The following TPH2 variants were observed in gnomAD, a reference collection of about 807,000 sequenced individuals.
TPH2 encodes the protein tryptophan hydroxylase 2, also known as tryptophan 5-hydroxylase 2.
In TPH2, 27 loss-of-function variants were observed where a neutral mutation model predicts 59.1. The ratio of observed to expected loss-of-function variants is 0.46; its 90% CI spans 0.34 to 0.63. TPH2 has a LOEUF of 0.63. Among genes scored for constraint, TPH2 ranks in the 30% least tolerant of loss-of-function variants. The probability of loss-of-function intolerance (pLI) is 0.01; values close to 1 mark genes in which losing one functional copy is unlikely to be tolerated. For synonymous variants in TPH2, 220 were observed against 210.5 expected, an observed-to-expected ratio of 1.05 and a Z score of -0.39; for missense variants, 523 against 588.3, an observed-to-expected ratio of 0.89 and a Z score of 1.15.
chr12:72,003,312 G>A (rs533302426), intron 8 of TPH2, among the ~76,000 whole-genome samples: 1 of 152,136 alleles, frequency 6.6e-6, no homozygotes, highest in African/African-American at 2.4e-5. Context: ...AGGGCTGGGG[G>A]GAATGCACTT....
intron 4 of TPH2, among the ~76,000 whole-genome samples, chr12:71,945,900 C>A (rs1871185830): frequency 6.6e-6 from 1 of 152,148 alleles, no homozygotes; most frequent in African/African-American, 2.4e-5. Context: ...CCTAAAATTT[C>A]AGAATATTTT....
intron 8 of TPH2, among the ~76,000 whole-genome samples, chr12:72,016,901 C>T (rs187492238): frequency 3.5e-4 from 53 of 152,038 alleles, no homozygotes; most frequent in Non-Finnish European, 6.8e-4. Context: ...CAAGGACCCT[C>T]AGGAAGAGGC....
intron 5 of TPH2, among the ~76,000 whole-genome samples, chr12:71,953,177 A>G (rs1176368095): frequency 1.3e-5 from 2 of 149,606 alleles, no homozygotes; most frequent in East Asian, 3.9e-4. Context: ...TTTTTTTTGC[A>G]CATGGGAAGC....
At chr12:71,941,448 C>A in intron 1 of TPH2, 136 bp from the exon 2 acceptor site, 2 of 1,073,064 alleles carry the variant, frequency 1.9e-6, no homozygotes, top group Non-Finnish European at 2.7e-6. Context: ...ATGAGTGACA[C>A]GGCAACTTCA....
At chr12:72,030,580 C>T (rs1873693279) in intron 9 of TPH2, among the ~76,000 whole-genome samples, 1 of 152,150 alleles carries the variant, frequency 6.6e-6, no homozygotes, top group African/African-American at 2.4e-5. Flanking sequence ...CGCCAGCTTT[C>T]CTGTTTTTCT....
intron 9 of TPH2, among the ~76,000 whole-genome samples, chr12:72,025,929 A>C (rs1279961160): frequency 6.6e-6 from 1 of 152,192 alleles, no homozygotes; most frequent in Non-Finnish European, 1.5e-5. Context: ...TTCAACAAAC[A>C]CAAAATTGAT....
intron 8 of TPH2, among the ~76,000 whole-genome samples, chr12:72,017,606 T>C (rs1317902569): frequency 2.0e-5 from 3 of 152,194 alleles, no homozygotes; most frequent in Non-Finnish European, 4.4e-5. Context: ...AAGACATTAG[T>C]GGCCAAGAAT....
intron 8 of TPH2, among the ~76,000 whole-genome samples, chr12:72,011,333 CT>C (rs781208758): frequency 1.2e-4 from 19 of 152,174 alleles, no homozygotes; most frequent in Non-Finnish European, 2.4e-4. Context: ...TAAAATATGC[CT>C]GTTTGTATTA....
intron 8 of TPH2, among the ~76,000 whole-genome samples, chr12:72,012,364 GAAGGGGCTCGGC>G (rs1873122763): frequency 6.6e-6 from 1 of 152,128 alleles, no homozygotes; most frequent in African/African-American, 2.4e-5. Context: ...CGAATCAGAC[GAAGGGGCTCGGC>G]AATGACAAGA....
At chr12:71,974,408 C>T (rs1364360158) in intron 6 of TPH2, among the ~76,000 whole-genome samples, 1 of 152,140 alleles carries the variant, frequency 6.6e-6, no homozygotes, top group African/African-American at 2.4e-5. Context: ...CTGGCCTTTC[C>T]CAGCTTCTAG....
rs115732426 is a variant in TPH2, at chr12:71,961,762, T to C, written c.609-10757T>C. 2.4e-3 allele frequency: 3,129 copies of C among 1,321,676 alleles called. 75 individuals are homozygous for C. In the African/African-American group the frequency reaches 0.043, roughly 18 times the overall value. 81.9% of individuals were successfully genotyped at this position (1,321,676 alleles called of 1,614,324 possible). A position where few individuals can be genotyped will look rare whatever the true frequency, so the allele number is the denominator to read the frequency against. ...AATATGAAGAGGACTTTCTGCAAGG[T>C]GAGAAAATAGTGGGAAGCCCTATCC... On this transcript the variant is annotated intron_variant, in intron 5 of 10. Coordinates refer to ENST00000333850, the MANE Select transcript of TPH2 (RefSeq NM_173353.4).
chr12:71,974,148 A>G (rs982501597), intron 6 of TPH2, among the ~76,000 whole-genome samples: 2 of 151,780 alleles, frequency 1.3e-5, no homozygotes, highest in Admixed American at 6.6e-5. Flanking sequence ...TTGTCTTCTC[A>G]GTTTCTATCA....
At chr12:71,975,574 C>T (rs984844725) in intron 6 of TPH2, among the ~76,000 whole-genome samples, 6 of 152,240 alleles carry the variant, frequency 3.9e-5, no homozygotes, top group East Asian at 3.9e-4. Context: ...CTCTCTTTAC[C>T]GTTGCTTAAA....
chr12:71,981,994 T>C (rs1872290867), intron 7 of TPH2, among the ~76,000 whole-genome samples: 1 of 150,534 alleles, frequency 6.6e-6, no homozygotes, highest in Non-Finnish European at 1.5e-5. Flanking sequence ...CTTTATTTTT[T>C]GTGGGTTTCA....
At chr12:72,010,899 A>C (rs1168363304) in intron 8 of TPH2, among the ~76,000 whole-genome samples, 36 of 152,214 alleles carry the variant, frequency 2.4e-4, no homozygotes, top group Admixed American at 2.4e-3. Flanking sequence ...TGCGCTCATC[A>C]GTTTTCTTCT....
chr12:71,978,288 C>T (rs1294209856), intron 6 of TPH2, among the ~76,000 whole-genome samples: 1 of 151,806 alleles, frequency 6.6e-6, no homozygotes, highest in African/African-American at 2.4e-5. Flanking sequence ...TTAAGTAGCC[C>T]TTAGACTGAG....
intron 7 of TPH2, among the ~76,000 whole-genome samples, chr12:71,984,884 C>T (rs1450505704): frequency 3.3e-5 from 5 of 152,118 alleles, no homozygotes; most frequent in African/African-American, 4.8e-5. Context: ...TGGGCTATAC[C>T]GAGGGCCAGT....
chr12:71,988,677 A>T (rs1872507940), intron 7 of TPH2, among the ~76,000 whole-genome samples: 1 of 152,168 alleles, frequency 6.6e-6, no homozygotes, highest in Admixed American at 6.5e-5. Context: ...TTACATTTTA[A>T]CGTGAGATTT....
chr12:72,029,244 T>C (rs1236360233), intron 9 of TPH2, among the ~76,000 whole-genome samples: 2 of 152,202 alleles, frequency 1.3e-5, no homozygotes, highest in Non-Finnish European at 2.9e-5. Context: ...AAGGGAGCCA[T>C]GGCTTTAATG....
Sources: allele counts gnomAD v4.1 joint callset (sites outside exome capture counted in the v4.1 genomes callset), GRCh38; gene constraint gnomAD v4.1.1; transcripts MANE v1.5; gene names NCBI Gene and HGNC (gene_info 2026-07-23, HGNC 2026-07-21).